The following ADAMTSL2 variants were observed in gnomAD, a reference collection of about 807,000 sequenced individuals.
ADAMTSL2 encodes the protein ADAMTS-like protein 2.
ADAMTSL2 carries 55 observed loss-of-function variants against 117.0 expected under a neutral mutation model. That is an observed-to-expected ratio of 0.47 (90% CI 0.38 to 0.59). The LOEUF (loss-of-function observed/expected upper bound fraction) is 0.59. ADAMTSL2 is among the 20% of genes least tolerant of loss of function. The pLI is 0.00. For synonymous variants in ADAMTSL2, 572 were observed against 566.4 expected, an observed-to-expected ratio of 1.01 and a Z score of -0.14; for missense variants, 1,182 against 1,354.5, an observed-to-expected ratio of 0.87 and a Z score of 2.00.
intron 9 of ADAMTSL2, 151 bp downstream of exon 9, chr9:133,547,364 TTC>T: frequency 1.4e-6 from 1 of 712,788 alleles, no homozygotes; most frequent in South Asian, 1.7e-5. Flanking sequence ...GGGCTGGGGC[TTC>T]ACGTTCAATC....
intron 12 of ADAMTSL2, among the ~76,000 whole-genome samples, chr9:133,565,721 G>A (rs1329914421): frequency 2.6e-5 from 4 of 152,330 alleles, no homozygotes; most frequent in East Asian, 3.9e-4. Context: ...ACACGCCGCC[G>A]GGCGGCTGGG....
At chr9:133,540,519 G>A in intron 5 of ADAMTSL2, 79 bp from the exon 6 acceptor site, 1 of 1,560,454 alleles carries the variant, frequency 6.4e-7, no homozygotes, top group South Asian at 1.2e-5. Flanking sequence ...AGCTGTCTCA[G>A]AGGGAGGAAA....
intron 11 of ADAMTSL2, 91 bp downstream of exon 11, chr9:133,556,021 T>G (rs1588294781): frequency 6.6e-7 from 1 of 1,520,828 alleles, no homozygotes; most frequent in African/African-American, 1.4e-5. Context: ...ACTGGGGGGG[T>G]CTGGCCAGAA....
chr9:133,565,604 C>T (rs764433932), intron 12 of ADAMTSL2, among the ~76,000 whole-genome samples: 56 of 152,296 alleles, frequency 3.7e-4, no homozygotes, highest in Non-Finnish European at 6.8e-4. Context: ...CAGCCTGGCT[C>T]GTCCTTTACG....
chr9:133,574,450 C>T (rs549533204), intron 18 of ADAMTSL2, among the ~76,000 whole-genome samples: 155 of 152,176 alleles, frequency 1.0e-3, no homozygotes, highest in South Asian at 1.0e-2. Flanking sequence ...GAGTGGTGGA[C>T]GGGGGGCCCC....
At chr9:133,540,351 C>T (rs1830186473) in intron 5 of ADAMTSL2, among the ~76,000 whole-genome samples, 1 of 152,232 alleles carries the variant, frequency 6.6e-6, no homozygotes. Flanking sequence ...GGGGGAACCC[C>T]AGTATGGGTC....
chr9:133,568,293 G>C lies in ADAMTSL2; in HGVS notation c.1895G>C (p.Ser632Thr). ...CQPRWETSSW[S>T]ECSRTCGEGY... ...GGCAGGTGGGAGACGAGCAGCTGGAGCGAGTGTTCGCGCACCTGCGGAGAG... is the reference window on the plus strand; with the variant it reads ...GGCAGGTGGGAGACGAGCAGCTGGACCGAGTGTTCGCGCACCTGCGGAGAG... Residue 632 changes from serine to threonine, a missense_variant, in exon 14 of 19, where the codon AGC becomes ACC. Physicochemically the swap from Ser to Thr is moderately conservative, Grantham distance 58 (BLOSUM62 1). Around this residue, in one of 3 missense-constraint regions of ADAMTSL2, gnomAD observed 465 missense variants for 565.3 expected, o/e 0.82. Transcript: ENST00000651351. 1 of 1,571,704 alleles carries C rather than the reference G, an allele frequency of 6.4e-7. No individual in the cohort carries two copies. Among genetic ancestry groups the C allele is most frequent in the Non-Finnish European group, 8.6e-7 (1 of 1,159,772 alleles).
intron 2 of ADAMTSL2, 82 bp downstream of exon 2, chr9:133,536,884 A>G: frequency 3.8e-6 from 6 of 1,598,504 alleles, no homozygotes; most frequent in Non-Finnish European, 5.1e-6. Flanking sequence ...ACTGGCTTGG[A>G]GGGAGCCGTG....
rs1056569522 is a variant in ADAMTSL2, at chr9:133,534,716, C to A, written c.-352C>A. 3.6e-6 allele frequency: 5 copies of A among 1,377,594 alleles called. No homozygotes were observed. The East Asian group carries it at 9.2e-5, about 25-fold the overall frequency. The allele number at this position is 1,377,594 out of a possible 1,614,324, so 85.3% of individuals were successfully genotyped here. A position where few individuals can be genotyped will look rare whatever the true frequency, so the allele number is the denominator to read the frequency against. ...GCGCAGAGCCGCCACTGGGCTGCGC[C>A]CCTCCCGGGAACCCCCTCTCTTGGA... On this transcript the variant is annotated 5_prime_UTR_variant, in exon 1 of 19. Coordinates refer to ENST00000651351, the MANE Select transcript of ADAMTSL2 (RefSeq NM_014694.4).
rs115191416 is a variant in ADAMTSL2 at position 133,537,293 on chromosome 9, G to C, written c.91-112G>C. On this transcript the variant is annotated intron_variant, in intron 2 of 18. Transcript: ENST00000651351. Reference sequence around the variant, plus strand: ...GACCCTGCAAGGGGGCCCAGCCAGGGGGCTGTGTCTTCTGGTCCCGCTGAC... The same window carrying C: ...GACCCTGCAAGGGGGCCCAGCCAGGCGGCTGTGTCTTCTGGTCCCGCTGAC... 2.4e-3 allele frequency: 2,895 copies of C among 1,190,188 alleles called. 67 individuals carry two copies. In the African/African-American group the frequency reaches 0.041, roughly 17 times the overall value. The allele number at this position is 1,190,188 out of a possible 1,614,324, so 73.7% of individuals were successfully genotyped here.
In ADAMTSL2 at chr9:133,568,792, G is replaced by A. The variant is rs965471290; in HGVS notation, c.2244+34G>A. 1.6e-5 allele frequency: 26 copies of A among 1,612,392 alleles called. No homozygotes were observed. The African/African-American group carries it at 3.2e-4, about 20-fold the overall frequency. On this transcript the variant is annotated intron_variant, in intron 15 of 18. Transcript: ENST00000651351. ...TGCACTGAGGGGTGGCTGGGCGTGC[G>A]GCTGGTGAGGGGACCCAGAGCTTTG...
chr9:133,570,719 C>T (rs1009459109), intron 17 of ADAMTSL2, among the ~76,000 whole-genome samples: 4 of 152,238 alleles, frequency 2.6e-5, no homozygotes, highest in Non-Finnish European at 4.4e-5. Flanking sequence ...GATCTTGTCC[C>T]TGGGATCCCT....
At chr9:133,548,072 T>A (rs13297868) in intron 9 of ADAMTSL2, among the ~76,000 whole-genome samples, 128,547 of 152,206 alleles carry the variant, frequency 0.84, 55,061 homozygotes, top group Non-Finnish European at 0.92. Context: ...TACAGCAGGG[T>A]TGGAGCCACC....
intron 9 of ADAMTSL2, among the ~76,000 whole-genome samples, chr9:133,552,915 C>A (rs1036182392): frequency 2.0e-5 from 3 of 152,346 alleles, no homozygotes; most frequent in Non-Finnish European, 4.4e-5. Flanking sequence ...AAGGCGCTAA[C>A]TTCTTTGTCA....
intron 8 of ADAMTSL2, among the ~76,000 whole-genome samples, chr9:133,546,188 C>T (rs985363204): frequency 6.6e-6 from 1 of 152,112 alleles, no homozygotes; most frequent in Non-Finnish European, 1.5e-5. Context: ...AGGATCAGTT[C>T]CCCTTGAAAC....
chr9:133,537,454 C>T lies in ADAMTSL2; in HGVS notation c.140C>T (p.Ala47Val), dbSNP rs1219115556. ...CTGGAGGGGGGCACCGACGCCACGG[C>T]CTTCTGGTGGGGGGAGTGGACCAAG... ...NSLEGGTDAT[A>V]FWWGEWTKWT... Residue 47 changes from alanine to valine, a missense_variant, in exon 3 of 19, where the codon GCC becomes GTC. Around this residue, in one of 3 missense-constraint regions of ADAMTSL2, gnomAD observed 372 missense variants for 463.4 expected, o/e 0.80. Transcript: ENST00000651351. 2.8e-5 allele frequency: 38 copies of T among 1,353,080 alleles called. No homozygotes were observed. The highest frequency in any genetic ancestry group is 4.7e-5 in the South Asian group (2 of 42,432). The allele number at this position is 1,353,080 out of a possible 1,614,324, so 83.8% of individuals were successfully genotyped here.
In ADAMTSL2 at chr9:133,568,434, C is replaced by G. The variant is rs948210454; in HGVS notation, c.2036C>G (p.Thr679Ser). ...AEAVRPEERK[T>S]CRNPACGPQW... ...GCCGTGCGGCCCGAGGAACGCAAGA[C>G]CTGCCGGAACCCCGCCTGCGGGCCC... The change falls in exon 14 of 19, where the codon ACC becomes AGC. Residue 679 changes from threonine to serine, a missense_variant. Transcript: ENST00000651351. 1,711 of 1,609,106 alleles carry G rather than the reference C, an allele frequency of 1.1e-3. 1 individual carries two copies. The highest frequency in any genetic ancestry group is 1.4e-3 in the Non-Finnish European group (1,594 of 1,178,594).
rs1564179027 is a variant in ADAMTSL2, at chr9:133,564,635, AGAGAGGGAGAGAGG to A, written c.1748-2295_1748-2282del. 2.0e-3 allele frequency among the ~76,000 whole-genome samples: 92 copies of A among 46,406 alleles called. 1 individual carries two copies. The highest frequency in any genetic ancestry group is 3.3e-3 in the Non-Finnish European group (73 of 22,080). 30.4% of individuals were successfully genotyped at this position (46,406 alleles called of 152,430 possible). A position where few individuals can be genotyped will look rare whatever the true frequency, so the allele number is the denominator to read the frequency against. On this transcript the variant is annotated intron_variant, in intron 12 of 18. Transcript: ENST00000651351. ...GAGAGAGAGAGAGAGGGAGAGAGAG[AGAGAGGGAGAGAGG>A]GAGAGAGGGAGAGAGAGAGGGAGAG...
chr9:133,564,583 GGA>G (rs201374805), intron 12 of ADAMTSL2, among the ~76,000 whole-genome samples: 814 of 47,786 alleles, frequency 0.017, 9 homozygotes, highest in Middle Eastern at 0.056. Context: ...GGAGAGAGAA[GGA>G]GAGAGAGAGG....
Sources: gnomAD v4.1 joint callset for allele counts (sites outside exome capture counted in the v4.1 genomes callset) on GRCh38, gnomAD v4.1.1 for gene constraint, gnomAD v4.1.1 regional missense constraint, MANE v1.5 for transcripts, NCBI Gene and HGNC (gene_info 2026-07-23, HGNC 2026-07-21) for gene names.